The following RFNG variants were observed in gnomAD, a reference collection of about 807,000 sequenced individuals.
RFNG encodes beta-1,3-N-acetylglucosaminyltransferase radical fringe.
In RFNG, 37 loss-of-function variants were observed where a neutral mutation model predicts 29.6. The observed-to-expected ratio is 1.25, with a 90% CI of 0.96 to 1.65. The LOEUF is 1.65. Among genes scored for constraint, RFNG ranks in the 40% most tolerant of loss-of-function variants. The probability of loss-of-function intolerance (pLI) is 0.00; values close to 1 mark genes in which losing one functional copy is unlikely to be tolerated. For missense variants in RFNG, 546 were observed against 457.0 expected (o/e 1.19, Z -1.78); for synonymous variants, 276 against 197.3 (o/e 1.40, Z -3.34).
chr17:82,050,467 A>G lies in RFNG; in HGVS notation c.508T>C (p.Tyr170His), dbSNP rs1216444133. 1.2e-6 allele frequency: 2 copies of G among 1,612,394 alleles called. No individual in the cohort carries two copies. The highest frequency in any genetic ancestry group is 3.3e-5 in the Admixed American group (2 of 59,988). The change falls in exon 4 of 8, where the codon TAC becomes CAC. Residue 170 changes from tyrosine to histidine, a missense_variant. By Grantham distance (83) the Tyr-to-His change is moderately conservative. Transcript: ENST00000310496. ...TGGTCCAGGCTGGGCCGCCCCAGGT[A>G]GACGTCCTGGCTGGGTGAGAAGCTG... is the stretch of plus-strand genomic sequence containing the variant. The part of the protein sequence containing the change: ...LSSFSPSQDV[Y>H]LGRPSLDHPI...
Position 82,051,432 on chromosome 17 carries a change from G to T in RFNG, c.267+68C>A. On this transcript the variant is annotated intron_variant, in intron 1 of 7. Transcript: ENST00000310496. The surrounding 1 kb of genome is among the most constrained non-coding windows in gnomAD (Gnocchi z 4.1). ...CGCGGAGCCTCCGGGGGCCTGGGCC[G>T]GGCCTAGACCCTGGGAGGCGGGGCG... 1.5e-6 allele frequency: 2 copies of T among 1,346,856 alleles called. No individual in the cohort carries two copies. Among genetic ancestry groups the T allele is most frequent in the Non-Finnish European group, 1.9e-6 (2 of 1,046,582 alleles). The allele number at this position is 1,346,856 out of a possible 1,614,324, so 83.4% of individuals were successfully genotyped here.
Position 82,051,689 on chromosome 17 carries a change from C to CGGCAGT in RFNG, c.72_77dup (p.Leu29_Pro30dup), listed in dbSNP as rs2030644569. 9.9e-7 allele frequency: 1 copy of CGGCAGT among 1,005,376 alleles called. No homozygotes were observed. Among genetic ancestry groups the CGGCAGT allele is most frequent in the Non-Finnish European group, 1.2e-6 (1 of 845,036 alleles). The allele number at this position is 1,005,376 out of a possible 1,614,324, so 62.3% of individuals were successfully genotyped here. On this transcript the variant is annotated inframe_insertion, in exon 1 of 8. Coordinates refer to ENST00000310496, the MANE Select transcript of RFNG (RefSeq NM_002917.2). This position sits in a 1 kb window ranked among gnomAD's most constrained non-coding sequence, Gnocchi z 4.1. The stretch of plus-strand genomic sequence containing the variant: ...GGGCGGGCGCGCGGGGCAGCGGCAG[C>CGGCAGT]GGCAGTAACAGCAGCGCGGCCAGGG...
chr17:82,049,181 G>T (rs759602889), intron 6 of RFNG, 65 bp from the exon 7 acceptor site: 1 of 1,343,984 alleles, frequency 7.4e-7, no homozygotes, highest in Non-Finnish European at 1.1e-6. Context: ...CCTGCCCCTG[G>T]CCAGGAGCCC....
At chr17:82,050,828 GCCC>G in intron 2 of RFNG, 64 bp from the exon 3 acceptor site, 1 of 1,529,288 alleles carries the variant, frequency 6.5e-7, no homozygotes, top group South Asian at 1.1e-5. Flanking sequence ...TAAGGCCTGT[GCCC>G]CACCTGCCCC....
rs1251732031 is a variant in RFNG, at chr17:82,051,770, G to A, written c.-4C>T. On this transcript the variant is annotated 5_prime_UTR_variant, in exon 1 of 8. Coordinates refer to ENST00000310496, the MANE Select transcript of RFNG (RefSeq NM_002917.2). This position sits in a 1 kb window ranked among gnomAD's most constrained non-coding sequence, Gnocchi z 4.1. ...GCGCCCCACGCGCGCGGCTCATGCGGCCGCCGGGACCCCCGGCGCTGCGAG... is the reference window on the plus strand; with the variant it reads ...GCGCCCCACGCGCGCGGCTCATGCGACCGCCGGGACCCCCGGCGCTGCGAG... 9.1e-7 allele frequency: 1 copy of A among 1,103,406 alleles called. No homozygotes were observed. Among genetic ancestry groups the A allele is most frequent in the South Asian group, 4.3e-5 (1 of 23,174 alleles). The allele number at this position is 1,103,406 out of a possible 1,614,324, so 68.4% of individuals were successfully genotyped here.
chr17:82,049,015 G>A lies in RFNG; in HGVS notation c.914+16C>T, dbSNP rs538528870. 5.0e-6 allele frequency: 8 copies of A among 1,611,900 alleles called. No homozygotes were observed. Among genetic ancestry groups the A allele is most frequent in the South Asian group, 1.1e-5 (1 of 91,044 alleles). On this transcript the variant is annotated intron_variant, in intron 7 of 7. Coordinates refer to ENST00000310496, the MANE Select transcript of RFNG (RefSeq NM_002917.2). ...CCTGCGGGGCCGAGGGCCTGCCCAT[G>A]CCACTACCTACTCACCGTGTGGGGT...
chr17:82,051,619 G>T lies in RFNG; in HGVS notation c.148C>A (p.Pro50Thr). ...TCAGGCCGCAGGCTGGGGGCAGCGG[G>T]CCGGGACGGGGGCGCGCGCGGGGCC... ...APAPRAPPSR[P>T]AAPSLRPDDV... Residue 50 changes from proline (P) to threonine (T), a missense_variant, in exon 1 of 8, where the codon CCC becomes ACC. Transcript: ENST00000310496. The surrounding 1 kb of genome is among the most constrained non-coding windows in gnomAD (Gnocchi z 4.1). 8.3e-7 allele frequency: 1 copy of T among 1,211,314 alleles called. No individual in the cohort carries two copies. The highest frequency in any genetic ancestry group is 1.0e-6 in the Non-Finnish European group (1 of 974,106). 75.0% of individuals were successfully genotyped at this position (1,211,314 alleles called of 1,614,324 possible).
rs903719769 is a variant in RFNG, at chr17:82,050,905, G to A, written c.317-141C>T. On this transcript the variant is annotated intron_variant, in intron 2 of 7. Coordinates refer to ENST00000310496, the MANE Select transcript of RFNG (RefSeq NM_002917.2). ...GACACCTTGCCTGGGTCCAACCACA[G>A]CCCTAGCCCTCACGCGCTGACCCTG... 4.3e-6 allele frequency: 6 copies of A among 1,403,534 alleles called. No homozygotes were observed. In the African/African-American group the frequency reaches 7.2e-5, roughly 17 times the overall value. 86.9% of individuals were successfully genotyped at this position (1,403,534 alleles called of 1,614,324 possible). A position where few individuals can be genotyped will look rare whatever the true frequency, so the allele number is the denominator to read the frequency against.
At position 82,048,225 on chromosome 17, in the gene RFNG, G is replaced by A. The variant is rs2030049227; in HGVS notation, c.*501C>T. 1 of 169,098 alleles carries A rather than the reference G, an allele frequency of 5.9e-6. No individual in the cohort carries two copies. The highest frequency in any genetic ancestry group is 2.4e-5 in the African/African-American group (1 of 41,660). 10.5% of individuals were successfully genotyped at this position (169,098 alleles called of 1,614,324 possible). A position where few individuals can be genotyped will look rare whatever the true frequency, so the allele number is the denominator to read the frequency against. ...TCGAGAACATGACCTTCCCGGGCCT[G>A]AGTCCCACTGTGGTGCCCGGCCGTG... is the stretch of plus-strand genomic sequence containing the variant. On this transcript the variant is annotated 3_prime_UTR_variant, in exon 8 of 8. Coordinates refer to ENST00000310496, the MANE Select transcript of RFNG (RefSeq NM_002917.2).
rs915781786 is a variant in RFNG at position 82,049,700 on chromosome 17, G to A, written c.805C>T (p.Pro269Ser). The stretch of plus-strand genomic sequence containing the variant: ...ACCTGCTGGAGCAGGGTGTCGGGCG[G>A]CAGCCTCTGCAGGTTCTCCAGGTGA... ...HSHLENLQRL[P>S]PDTLLQQVTL... Residue 269 changes from proline to serine, a missense_variant, in exon 6 of 8, where the codon CCG becomes TCG. Coordinates refer to ENST00000310496, the MANE Select transcript of RFNG (RefSeq NM_002917.2). 4 of 1,485,360 alleles carry A rather than the reference G, an allele frequency of 2.7e-6. No homozygotes were observed. Among genetic ancestry groups the A allele is most frequent in the Non-Finnish European group, 3.6e-6 (4 of 1,118,874 alleles). The allele number at this position is 1,485,360 out of a possible 1,614,324, so 92.0% of individuals were successfully genotyped here. A position where few individuals can be genotyped will look rare whatever the true frequency, so the allele number is the denominator to read the frequency against.
Position 82,050,544 on chromosome 17 carries a change from T to C in RFNG, c.431A>G (p.His144Arg). Reference sequence around the variant, plus strand: ...GTTCACATAATTGTCATCATCCACGTGGCAAAACCACCTGTGGGCGAGGGG... The same window carrying C: ...GTTCACATAATTGTCATCATCCACGCGGCAAAACCACCTGTGGGCGAGGGG... ...FIESGRKWFC[H>R]VDDDNYVNAR... The change falls in exon 4 of 8, where the codon CAC becomes CGC. Residue 144 changes from histidine to arginine, a missense_variant. His to Arg is a conservative substitution (Grantham distance 29, BLOSUM62 0). Coordinates refer to ENST00000310496, the MANE Select transcript of RFNG (RefSeq NM_002917.2). 1 of 1,611,676 alleles carries C rather than the reference T, an allele frequency of 6.2e-7. No individual in the cohort carries two copies. The highest frequency in any genetic ancestry group is 8.5e-7 in the Non-Finnish European group (1 of 1,178,908).
At position 82,049,658 on chromosome 17, in the gene RFNG, C is replaced by T. The variant is rs1277949348; in HGVS notation, c.828+19G>A. 6 of 1,460,796 alleles carry T rather than the reference C, an allele frequency of 4.1e-6. No homozygotes were observed. The highest frequency in any genetic ancestry group is 2.8e-5 in the Admixed American group (1 of 36,158). The allele number at this position is 1,460,796 out of a possible 1,614,324, so 90.5% of individuals were successfully genotyped here. A position where few individuals can be genotyped will look rare whatever the true frequency, so the allele number is the denominator to read the frequency against. On this transcript the variant is annotated intron_variant, in intron 6 of 7. Coordinates refer to ENST00000310496, the MANE Select transcript of RFNG (RefSeq NM_002917.2). ...GGGCAAAGCCCAGGTGGCAGAGGCA[C>T]CCAGAGTGGCGCCTGTACCTGCTGG...
chr17:82,049,939 A>T lies in RFNG; in HGVS notation c.641T>A (p.Leu214His). Residue 214 changes from leucine (L) to histidine (H), a missense_variant, in exon 5 of 8, where the codon CTC (leucine) becomes CAC (histidine). Leu to His is a moderately conservative substitution (Grantham distance 99). Transcript: ENST00000310496. ...TCACCTGGCCCATGGGCTCATCTTGAGGGCAAGGCCTCTGCTGAGGCAGAA... is the reference window on the plus strand; with the variant it reads ...TCACCTGGCCCATGGGCTCATCTTGTGGGCAAGGCCTCTGCTGAGGCAGAA... The part of the protein sequence containing the change: ...AGFCLSRGLA[L>H]KMSPWASLGS... 6.2e-7 allele frequency: 1 copy of T among 1,612,470 alleles called. No individual in the cohort carries two copies. The highest frequency in any genetic ancestry group is 8.5e-7 in the Non-Finnish European group (1 of 1,179,734).
At chr17:82,050,795 A>G in intron 2 of RFNG, 31 bp from the exon 3 acceptor site, 1 of 1,604,156 alleles carries the variant, frequency 6.2e-7, no homozygotes, top group Non-Finnish European at 8.5e-7. Flanking sequence ...GCACGCACGT[A>G]GAGGATGGCA....
chr17:82,049,074 C>A lies in RFNG; in HGVS notation c.871G>T (p.Val291Leu), dbSNP rs1364073477. Reference protein sequence around the residue: ...HGGPENPHNVVNVAGGFSLHQ... With the variant: ...HGGPENPHNVLNVAGGFSLHQ... ...AGGCTGAAGCCTCCAGCCACGTTCA[C>A]CACGTTATGTGGGTTCTCAGGACCC... is the stretch of plus-strand genomic sequence containing the variant. The change falls in exon 7 of 8, where the codon GTG becomes TTG. Residue 291 changes from valine to leucine, a missense_variant. Val to Leu is a conservative substitution (Grantham distance 32). Coordinates refer to ENST00000310496, the MANE Select transcript of RFNG (RefSeq NM_002917.2). 1 of 1,613,470 alleles carries A rather than the reference C, an allele frequency of 6.2e-7. No individual in the cohort carries two copies. The highest frequency in any genetic ancestry group is 8.5e-7 in the Non-Finnish European group (1 of 1,179,856).
At chr17:82,050,995 A>T in intron 2 of RFNG, 1 of 1,421,398 alleles carries the variant, frequency 7.0e-7, no homozygotes, top group Non-Finnish European at 9.2e-7. Flanking sequence ...AACAGGACGG[A>T]GGCAGCTCGC....
At chr17:82,050,620 C>A (rs1330054759) in intron 3 of RFNG, 42 bp downstream of exon 3, 1 of 1,609,180 alleles carries the variant, frequency 6.2e-7, no homozygotes, top group African/African-American at 1.3e-5. Context: ...CCCCACCCAG[C>A]TTGGCTCTGA....
At position 82,051,727 on chromosome 17, in the gene RFNG, C is replaced by T; in HGVS notation, c.40G>A (p.Ala14Thr). The T allele has an allele frequency of 1.9e-6, 2 of 1,059,078 alleles. No individual in the cohort carries two copies. The highest frequency in any genetic ancestry group is 2.3e-6 in the Non-Finnish European group (2 of 879,832). 65.6% of individuals were successfully genotyped at this position (1,059,078 alleles called of 1,614,324 possible). A position where few individuals can be genotyped will look rare whatever the true frequency, so the allele number is the denominator to read the frequency against. ...AGCGCGGCCAGGGCCGCGGCCAGCG[C>T]GAGGCAGGCCCGGCACAGCGCCCCA... The part of the protein sequence containing the change: ...ARGALCRACL[A>T]LAAALAALLL... The change falls in exon 1 of 8, where the codon GCG becomes ACG. Residue 14 changes from alanine to threonine, a missense_variant. Ala to Thr is a moderately conservative substitution (Grantham distance 58). Transcript: ENST00000310496. The surrounding 1 kb of genome is among the most constrained non-coding windows in gnomAD (Gnocchi z 4.1).
In RFNG at chr17:82,049,123, G is replaced by A. The variant is rs779137624; in HGVS notation, c.829-7C>T. Reference sequence around the variant, plus strand: ...CCCCATGGCTCAAGGTAACCTGGGAGGGAAGGGTGTGGGCAGAGTGTGTGG... The same window carrying A: ...CCCCATGGCTCAAGGTAACCTGGGAAGGAAGGGTGTGGGCAGAGTGTGTGG... On this transcript the variant is annotated splice_region_variant and splice_polypyrimidine_tract_variant and intron_variant, in intron 6 of 7. Transcript: ENST00000310496. 11 of 1,612,124 alleles carry A rather than the reference G, an allele frequency of 6.8e-6. No homozygotes were observed. The Admixed American group carries it at 1.5e-4, about 22-fold the overall frequency.
Sources: allele counts gnomAD v4.1 joint callset, GRCh38; gene constraint gnomAD v4.1.1; non-coding constraint Gnocchi (gnomAD v3.1); transcripts MANE v1.5; gene names NCBI Gene and HGNC (gene_info 2026-07-23, HGNC 2026-07-21).